The following KCNN4 variants were observed in gnomAD, a reference collection of about 807,000 sequenced individuals.
The protein encoded by KCNN4 is intermediate conductance calcium-activated potassium channel protein 4.
A neutral mutation model predicts 45.2 loss-of-function variants in KCNN4; 31 were observed. The ratio of observed to expected loss-of-function variants is 0.69; its 90% CI spans 0.52 to 0.92. The LOEUF is 0.92. KCNN4 is among the 40% of genes least tolerant of loss of function. KCNN4 has a pLI of 0.00. For synonymous variants in KCNN4, 231 were observed against 254.6 expected (o/e 0.91, Z 0.88); for missense variants, 463 against 574.0 (o/e 0.81, Z 1.98).
Position 43,769,449 on chromosome 19 carries a change from T to A in KCNN4, c.1042A>T (p.Ile348Phe). 6.2e-7 allele frequency: 1 copy of A among 1,614,026 alleles called. No individual in the cohort carries two copies. The highest frequency in any genetic ancestry group is 8.5e-7 in the Non-Finnish European group (1 of 1,179,910). The change falls in exon 6 of 9, where the codon ATC becomes TTC. Residue 348 changes from isoleucine to phenylalanine, a missense_variant. Coordinates refer to ENST00000648319, the MANE Select transcript of KCNN4 (RefSeq NM_002250.3). This position sits in a 1 kb window ranked among gnomAD's most constrained non-coding sequence, Gnocchi z 4.4. The stretch of plus-strand genomic sequence containing the variant: ...ATACAAAGCGGCCCTCACGCGTTGA[T>A]GGCGGCCAGCAGCTTGCGCTGATGC... ...RRHQRKLLAAINAFRQVRLKH... is the reference protein window; with the variant it reads ...RRHQRKLLAAFNAFRQVRLKH...
chr19:43,776,971 C>G (rs1385090819), intron 1 of KCNN4: 1 of 226,162 alleles, frequency 4.4e-6, no homozygotes, highest in Non-Finnish European at 9.0e-6. Context: ...GTAATCCCAG[C>G]TACTTGGGAG....
At position 43,769,812 on chromosome 19, in the gene KCNN4, G is replaced by A; in HGVS notation, c.837C>T (p.Ala279=). Reference sequence around the variant, plus strand: ...TCCGGGCCACCACGGCCACCAGCAGGGCTGTGCAGCAGACACCCTGTGGGC... The same window carrying A: ...TCCGGGCCACCACGGCCACCAGCAGAGCTGTGCAGCAGACACCCTGTGGGC... ...CTGVMGVCCT[A]LLVAVVARKL... The change falls in exon 5 of 9, where the codon GCC becomes GCT. Residue 279 remains alanine (A), a synonymous_variant. Coordinates refer to ENST00000648319, the MANE Select transcript of KCNN4 (RefSeq NM_002250.3). This position sits in a 1 kb window ranked among gnomAD's most constrained non-coding sequence, Gnocchi z 4.4. The A allele has an allele frequency of 6.2e-7, 1 of 1,612,800 alleles. No homozygotes were observed. Among genetic ancestry groups the A allele is most frequent in the Non-Finnish European group, 8.5e-7 (1 of 1,179,700 alleles).
intron 8 of KCNN4, chr19:43,767,305 G>A (rs1969506924): frequency 1.9e-6 from 1 of 533,228 alleles, no homozygotes. Flanking sequence ...GAGAGAGAGA[G>A]ACCAAGCAAA....
rs1969483733 is a variant in KCNN4 at position 43,766,548 on chromosome 19, T to G, written c.*545A>C. On this transcript the variant is annotated 3_prime_UTR_variant, in exon 9 of 9. Coordinates refer to ENST00000648319, the MANE Select transcript of KCNN4 (RefSeq NM_002250.3). ...AAATGGCAACTTCTGGCTTTAACATTTATTACAAAGATAAGAGCAGAGGCT... is the reference window on the plus strand; with the variant it reads ...AAATGGCAACTTCTGGCTTTAACATGTATTACAAAGATAAGAGCAGAGGCT... 1 of 151,282 alleles carries G rather than the reference T, an allele frequency of 6.6e-6. No homozygotes were observed. The highest frequency in any genetic ancestry group is 2.4e-5 in the African/African-American group (1 of 41,398). The allele number at this position is 151,282 out of a possible 1,614,324, so 9.4% of individuals were successfully genotyped here. A position where few individuals can be genotyped will look rare whatever the true frequency, so the allele number is the denominator to read the frequency against.
rs759914653 is a variant in KCNN4, at chr19:43,772,015, C to G, written c.804G>C (p.Leu268=). The G allele has an allele frequency of 6.2e-7, 1 of 1,611,786 alleles. No homozygotes were observed. The highest frequency in any genetic ancestry group is 8.5e-7 in the Non-Finnish European group (1 of 1,179,114). ...CTGTACTCACCATGACTCCAGTGCA[C>G]AGGCAGACGATCTTGCCCCACATGG... The part of the protein sequence containing the change: ...PGTMWGKIVC[L]CTGVMGVCCT... The change falls in exon 4 of 9, where the codon CTG becomes CTC. Residue 268 remains leucine, a synonymous_variant. Coordinates refer to ENST00000648319, the MANE Select transcript of KCNN4 (RefSeq NM_002250.3). The surrounding 1 kb of genome is among the most constrained non-coding windows in gnomAD (Gnocchi z 4.4).
chr19:43,769,572 T>C lies in KCNN4; in HGVS notation c.931-12A>G, dbSNP rs550056249. The C allele has an allele frequency of 6.2e-7, 1 of 1,609,792 alleles. No homozygotes were observed. Among genetic ancestry groups the C allele is most frequent in the South Asian group, 1.1e-5 (1 of 90,986 alleles). On this transcript the variant is annotated splice_polypyrimidine_tract_variant and intron_variant, in intron 5 of 8. Transcript: ENST00000648319. The surrounding 1 kb of genome is among the most constrained non-coding windows in gnomAD (Gnocchi z 4.4). ...GCGGACTCCTTCATCTGGGGGTGGG[T>C]GGCACAGTGTCCGTGGAGATAGACC...
chr19:43,774,706 T>C lies in KCNN4; in HGVS notation c.256-87A>G, dbSNP rs1162023006. On this transcript the variant is annotated intron_variant, in intron 2 of 8. Transcript: ENST00000648319. The surrounding 1 kb of genome is among the most constrained non-coding windows in gnomAD (Gnocchi z 5.6). ...GCCCGCGCCTGCCTGCGCCCTGAGA[T>C]AAGTGGGGTGTGCCGCCTGGCCAGG... The C allele has an allele frequency of 3.3e-6, 4 of 1,212,638 alleles. No homozygotes were observed. The highest frequency in any genetic ancestry group is 4.4e-6 in the Non-Finnish European group (4 of 913,508). The allele number at this position is 1,212,638 out of a possible 1,614,324, so 75.1% of individuals were successfully genotyped here.
At chr19:43,777,072 A>C (rs1969830334) in intron 1 of KCNN4, among the ~76,000 whole-genome samples, 2 of 152,062 alleles carry the variant, frequency 1.3e-5, no homozygotes, top group Admixed American at 1.3e-4. Flanking sequence ...CAACAGAGCG[A>C]GTCTCCGTCT....
Position 43,766,813 on chromosome 19 carries a change from T to A in KCNN4, c.*280A>T, listed in dbSNP as rs1029488608. On this transcript the variant is annotated 3_prime_UTR_variant, in exon 9 of 9. Transcript: ENST00000648319. The stretch of plus-strand genomic sequence containing the variant: ...GTCGCCTGCACTTGTAACTGAGAGC[T>A]GGAGGTCGTCCATAGCAGCATAGTG... 1 of 152,618 alleles carries A rather than the reference T, an allele frequency of 6.6e-6. No homozygotes were observed. The highest frequency in any genetic ancestry group is 2.4e-5 in the African/African-American group (1 of 41,402). The allele number at this position is 152,618 out of a possible 1,614,324, so 9.5% of individuals were successfully genotyped here.
At chr19:43,767,515 C>A in intron 8 of KCNN4, 25 bp downstream of exon 8, 4 of 1,607,410 alleles carry the variant, frequency 2.5e-6, no homozygotes, top group Non-Finnish European at 3.4e-6. Flanking sequence ...AGGATGCCTT[C>A]CTGCCCAAGT....
chr19:43,780,942 C>T lies in KCNN4; in HGVS notation c.-81G>A, dbSNP rs1213068228. 1 of 1,434,446 alleles carries T rather than the reference C, an allele frequency of 7.0e-7. No homozygotes were observed. Among genetic ancestry groups the T allele is most frequent in the Non-Finnish European group, 9.7e-7 (1 of 1,035,260 alleles). The allele number at this position is 1,434,446 out of a possible 1,614,324, so 88.9% of individuals were successfully genotyped here. A position where few individuals can be genotyped will look rare whatever the true frequency, so the allele number is the denominator to read the frequency against. ...AGCACGCACAGGGCAGCCACTGTGGCTTGCAGGTCGTCAGCCTGCTCTGCT... is the reference window on the plus strand; with the variant it reads ...AGCACGCACAGGGCAGCCACTGTGGTTTGCAGGTCGTCAGCCTGCTCTGCT... On this transcript the variant is annotated 5_prime_UTR_variant, in exon 1 of 9. Transcript: ENST00000648319.
intron 2 of KCNN4, among the ~76,000 whole-genome samples, chr19:43,776,127 CAAAAAAAA>C (rs59704354): frequency 1.9e-3 from 78 of 40,976 alleles, no homozygotes; most frequent in African/African-American, 6.6e-3. Flanking sequence ...GACCTTGTCT[CAAAAAAAA>C]AAAAAAAAAA....
At chr19:43,779,740 G>A (rs1969918254) in intron 1 of KCNN4, among the ~76,000 whole-genome samples, 1 of 151,936 alleles carries the variant, frequency 6.6e-6, no homozygotes, top group Non-Finnish European at 1.5e-5. Context: ...TTCGGAGTCA[G>A]CCCCTCTTCC....
intron 2 of KCNN4, among the ~76,000 whole-genome samples, chr19:43,775,432 C>T (rs1419930560): frequency 1.3e-5 from 2 of 152,218 alleles, no homozygotes; most frequent in Non-Finnish European, 2.9e-5. Flanking sequence ...AGTAAATGCC[C>T]ACAACCCAGT....
chr19:43,776,528 G>A lies in KCNN4; in HGVS notation c.255+13C>T, dbSNP rs745870560. 4 of 1,586,670 alleles carry A rather than the reference G, an allele frequency of 2.5e-6. No individual in the cohort carries two copies. The highest frequency in any genetic ancestry group is 1.9e-4 in the Middle Eastern group (1 of 5,300). ...TTGGAGGGAGCAAGGCTTAGGGGCGGGGCCTGCCCTACCTGGACCTCTTTG... is the reference window on the plus strand; with the variant it reads ...TTGGAGGGAGCAAGGCTTAGGGGCGAGGCCTGCCCTACCTGGACCTCTTTG... On this transcript the variant is annotated intron_variant, in intron 2 of 8. Coordinates refer to ENST00000648319, the MANE Select transcript of KCNN4 (RefSeq NM_002250.3).
At chr19:43,777,298 G>GGT (rs370942754) in intron 1 of KCNN4, among the ~76,000 whole-genome samples, 1,797 of 33,086 alleles carry the variant, frequency 0.054, 39 homozygotes, top group African/African-American at 0.12. Flanking sequence ...TAGTTCTTCA[G>GGT]GTGTGTGTGT....
At chr19:43,767,174 G>A (rs907298174) in intron 8 of KCNN4, 85 bp from the exon 9 acceptor site, 11 of 238,080 alleles carry the variant, frequency 4.6e-5, no homozygotes, top group East Asian at 9.1e-5. Flanking sequence ...GACAGAAACC[G>A]GTGGGCAGAA....
Position 43,769,487 on chromosome 19 carries a change from TGA to T in KCNN4, c.1002_1003del (p.His335CysfsTer45). Reference sequence around the variant, plus strand: ...CTTGCGCTGATGCCTGCGGGCAGCATGAGACTCCTTCCTGCGAGTATGTTTGT... The same window carrying T: ...CTTGCGCTGATGCCTGCGGGCAGCATGACTCCTTCCTGCGAGTATGTTTGT... On this transcript the variant is annotated frameshift_variant, in exon 6 of 9. Transcript: ENST00000648319. LOFTEE classifies it high-confidence loss of function. The surrounding 1 kb of genome is among the most constrained non-coding windows in gnomAD (Gnocchi z 4.4). 1 of 1,614,212 alleles carries T rather than the reference TGA, an allele frequency of 6.2e-7. No homozygotes were observed. Among genetic ancestry groups the T allele is most frequent in the South Asian group, 1.1e-5 (1 of 91,086 alleles).
At chr19:43,777,538 G>C (rs763431144) in intron 1 of KCNN4, among the ~76,000 whole-genome samples, 2 of 152,066 alleles carry the variant, frequency 1.3e-5, no homozygotes, top group Non-Finnish European at 2.9e-5. Flanking sequence ...CTGAGACCCA[G>C]CCTCAGCTCT....
Sources: gnomAD v4.1 joint callset for allele counts (sites outside exome capture counted in the v4.1 genomes callset) on GRCh38, gnomAD v4.1.1 for gene constraint, Gnocchi (gnomAD v3.1) non-coding constraint, MANE v1.5 for transcripts, NCBI Gene and HGNC (gene_info 2026-07-23, HGNC 2026-07-21) for gene names.